NSD2: variants seen among roughly 807,000 people sequenced by gnomAD.
The protein encoded by NSD2 is histone-lysine N-methyltransferase NSD2.
A neutral mutation model predicts 139.0 loss-of-function variants in NSD2; 12 were observed. The ratio of observed to expected loss-of-function variants is 0.09; its 90% CI spans 0.06 to 0.14. The LOEUF is 0.14. Among genes scored for constraint, NSD2 ranks in the 10% least tolerant of loss-of-function variants. The pLI, the probability that NSD2 is intolerant of heterozygous loss-of-function variation, is 1.00. For synonymous variants in NSD2, 669 were observed against 648.7 expected, an observed-to-expected ratio of 1.03 and a Z score of -0.48; for missense variants, 1,155 against 1,745.0, an observed-to-expected ratio of 0.66 and a Z score of 6.02.
At chr4:1,872,629 A>G (rs13435794) in intron 1 of NSD2, among the ~76,000 whole-genome samples, 4 of 142,600 alleles carry the variant, frequency 2.8e-5, no homozygotes, top group South Asian at 2.3e-4. Flanking sequence ...AGAGAGAGAG[A>G]GAGAGAGCGC....
At chr4:1,935,875 A>C (rs1021103890) in intron 7 of NSD2, among the ~76,000 whole-genome samples, 3 of 151,984 alleles carry the variant, frequency 2.0e-5, no homozygotes, top group Admixed American at 2.0e-4. Flanking sequence ...AAAAACAAAC[A>C]AAAAAACCCC....
At chr4:1,874,477 G>A (rs919416282) in intron 1 of NSD2, among the ~76,000 whole-genome samples, 1 of 152,110 alleles carries the variant, frequency 6.6e-6, no homozygotes, top group Non-Finnish European at 1.5e-5. Flanking sequence ...TGCCTCTGCT[G>A]GTGCATTCTC....
intron 1 of NSD2, chr4:1,899,296 C>T (rs1254539602): frequency 2.6e-5 from 4 of 152,234 alleles, no homozygotes; most frequent in African/African-American, 9.6e-5. Flanking sequence ...GTGTCCTCCA[C>T]CTCAGTACTG....
At chr4:1,875,970 C>T (rs1020265091) in intron 1 of NSD2, among the ~76,000 whole-genome samples, 1 of 151,688 alleles carries the variant, frequency 6.6e-6, no homozygotes, top group South Asian at 2.1e-4. Flanking sequence ...AATCCCAGCA[C>T]TTTGGGAGGC....
intron 1 of NSD2, among the ~76,000 whole-genome samples, chr4:1,886,221 T>A (rs951299035): frequency 5.9e-5 from 9 of 152,102 alleles, no homozygotes; most frequent in Non-Finnish European, 1.0e-4. Context: ...TCTTTTTTCT[T>A]TTTGAGACAG....
Position 1,942,408 on chromosome 4 carries a change from G to A in NSD2, c.1881+2630G>A, listed in dbSNP as rs1157847918. 1 of 1,609,002 alleles carries A rather than the reference G, an allele frequency of 6.2e-7. No homozygotes were observed. Among genetic ancestry groups the A allele is most frequent in the Admixed American group, 1.7e-5 (1 of 58,422 alleles). On this transcript the variant is annotated intron_variant, in intron 9 of 21. Coordinates refer to ENST00000508803, the MANE Select transcript of NSD2 (RefSeq NM_001042424.3). The surrounding 1 kb of genome is among the most constrained non-coding windows in gnomAD (Gnocchi z 4.0). ...TGCTCTGTACTGCACTTAGAATGAT[G>A]TAATATTCCAGGATGCTGCTGCAGG...
chr4:1,876,365 G>T (rs1010306273), intron 1 of NSD2, among the ~76,000 whole-genome samples: 1 of 152,204 alleles, frequency 6.6e-6, no homozygotes, highest in Non-Finnish European at 1.5e-5. Context: ...AAATTGCAGT[G>T]TTGGTTAGCT....
chr4:1,946,544 C>T (rs1190539988), intron 9 of NSD2: 2 of 1,013,766 alleles, frequency 2.0e-6, no homozygotes, highest in Non-Finnish European at 1.2e-6. Context: ...GCTGGGATTA[C>T]AGGCGTAAGC....
At position 1,942,318 on chromosome 4, in the gene NSD2, T is replaced by G. The variant is rs1214773561; in HGVS notation, c.1881+2540T>G. On this transcript the variant is annotated intron_variant, in intron 9 of 21. Coordinates refer to ENST00000508803, the MANE Select transcript of NSD2 (RefSeq NM_001042424.3). This position sits in a 1 kb window ranked among gnomAD's most constrained non-coding sequence, Gnocchi z 4.0. The stretch of plus-strand genomic sequence containing the variant: ...CTTTAGTAGAGCAAATTCTTATTTT[T>G]TTCGCCTTCACTGGTAACAGCTTTT... The G allele has an allele frequency of 2.5e-6, 4 of 1,611,704 alleles. No individual in the cohort carries two copies.
intron 7 of NSD2, 39 bp from the exon 8 acceptor site, chr4:1,938,412 C>CTTTG: frequency 3.0e-5 from 19 of 635,558 alleles, no homozygotes; most frequent in Admixed American, 2.8e-4. Flanking sequence ...TTTTTTTTTT[C>CTTTG]TTTCTTTTTT....
intron 9 of NSD2, chr4:1,947,017 TA>T: frequency 9.4e-7 from 1 of 1,063,440 alleles, no homozygotes; most frequent in Non-Finnish European, 1.1e-6. Context: ...ATGACTGAGG[TA>T]GGGGTGGGGG....
At chr4:1,927,154 A>G (rs562789014) in intron 5 of NSD2, among the ~76,000 whole-genome samples, 1 of 152,268 alleles carries the variant, frequency 6.6e-6, no homozygotes, top group East Asian at 1.9e-4. Context: ...GGCCCTCTCC[A>G]CAGGGCTGCT....
Position 1,905,267 on chromosome 4 carries a change from G to A in NSD2, c.760+889G>A, listed in dbSNP as rs184646767. 1.2e-3 allele frequency among the ~76,000 whole-genome samples: 184 copies of A among 152,332 alleles called. 1 individual carries two copies. Among genetic ancestry groups the A allele is most frequent in the African/African-American group, 4.2e-3 (174 of 41,586 alleles). On this transcript the variant is annotated intron_variant, in intron 3 of 21. Transcript: ENST00000508803. ...CTGAAAGTTCTTCTAGAGTGAAGTT[G>A]GAATTTAGTTTGAGCAAGTTGCGAT...
At position 1,981,663 on chromosome 4, in the gene NSD2, C is replaced by A. The variant is rs947858379; in HGVS notation, c.*2754C>A. 10 of 392,360 alleles carry A rather than the reference C, an allele frequency of 2.5e-5. No homozygotes were observed. Among genetic ancestry groups the A allele is most frequent in the Admixed American group, 1.3e-4 (3 of 22,494 alleles). 24.3% of individuals were successfully genotyped at this position (392,360 alleles called of 1,614,324 possible). A position where few individuals can be genotyped will look rare whatever the true frequency, so the allele number is the denominator to read the frequency against. ...GGCCGGCCTTTCTTCCGGCGACACC[C>A]GTCCATGGCTGGCTGGGTCCCCTTC... On this transcript the variant is annotated 3_prime_UTR_variant, in exon 22 of 22. Transcript: ENST00000508803.
In NSD2 at chr4:1,923,073, A is replaced by G. The variant is rs533816254; in HGVS notation, c.1410+4450A>G. Among the ~76,000 whole-genome samples, 41 of 152,298 alleles carry G rather than the reference A, an allele frequency of 2.7e-4. No homozygotes were observed. In the South Asian group the frequency reaches 3.1e-3, roughly 12 times the overall value. On this transcript the variant is annotated intron_variant, in intron 5 of 21. Coordinates refer to ENST00000508803, the MANE Select transcript of NSD2 (RefSeq NM_001042424.3). ...CTGCACTGGACGTGGTGCTGGGACC[A>G]CTGTGATTTATGAACTTGGCCAGCA...
In NSD2 at chr4:1,872,024, G is replaced by A. The variant is rs1713818952; in HGVS notation, c.-30+482G>A. On this transcript the variant is annotated intron_variant, in intron 1 of 21. Transcript: ENST00000508803. The stretch of plus-strand genomic sequence containing the variant: ...GCCCCCGGTCCGGGGCGGCCGCGGT[G>A]GGAGGGGCAGGTTGGGGTCCCGGGG... 4.0e-5 allele frequency among the ~76,000 whole-genome samples: 6 copies of A among 151,294 alleles called. No homozygotes were observed. The South Asian group carries it at 1.0e-3, about 26-fold the overall frequency.
intron 1 of NSD2, among the ~76,000 whole-genome samples, chr4:1,898,821 C>G (rs1352689567): frequency 6.6e-6 from 1 of 151,708 alleles, no homozygotes; most frequent in South Asian, 2.1e-4. Context: ...GAGACTCTCT[C>G]CTTGAGATTT....
At chr4:1,944,629 G>C (rs1045110421) in intron 9 of NSD2, 2 of 1,062,626 alleles carry the variant, frequency 1.9e-6, no homozygotes, top group African/African-American at 3.3e-5. Context: ...TTCTAAAAAC[G>C]TAAGTACTCC....
chr4:1,919,943 A>C (rs890515038), intron 5 of NSD2, among the ~76,000 whole-genome samples: 4 of 152,146 alleles, frequency 2.6e-5, no homozygotes, highest in Non-Finnish European at 4.4e-5. Flanking sequence ...TCAAAAAAAA[A>C]GGAAAAAAAG....
Sources: gnomAD v4.1 joint callset for allele counts (sites outside exome capture counted in the v4.1 genomes callset) on GRCh38, gnomAD v4.1.1 for gene constraint, Gnocchi (gnomAD v3.1) non-coding constraint, MANE v1.5 for transcripts, NCBI Gene and HGNC (gene_info 2026-07-23, HGNC 2026-07-21) for gene names.